UNC45A: variants seen among roughly 807,000 people sequenced by gnomAD.
The protein encoded by UNC45A is unc-45 myosin chaperone A.
UNC45A carries 78 observed loss-of-function variants against 103.2 expected under a neutral mutation model. The ratio of observed to expected loss-of-function variants is 0.76; its 90% CI spans 0.63 to 0.91. The LOEUF (loss-of-function observed/expected upper bound fraction) is 0.91. Ranked by LOEUF, UNC45A falls within the 40% of genes least tolerant of loss-of-function variation. The pLI, the probability that UNC45A is intolerant of heterozygous loss-of-function variation, is 0.00. For missense variants in UNC45A, 1,193 were observed against 1,224.8 expected, an observed-to-expected ratio of 0.97 and a Z score of 0.39; for synonymous variants, 495 against 504.6, an observed-to-expected ratio of 0.98 and a Z score of 0.25.
chr15:90,949,981 G>T (rs1258007206), intron 15 of UNC45A, 173 bp from the exon 16 acceptor site: 2 of 693,430 alleles, frequency 2.9e-6, no homozygotes, highest in East Asian at 2.7e-5. Flanking sequence ...CACAATCCAT[G>T]TCCAGCCCTT....
chr15:90,940,428 G>C lies in UNC45A; in HGVS notation c.642G>C (p.Ala214=). 1 of 1,614,036 alleles carries C rather than the reference G, an allele frequency of 6.2e-7. No homozygotes were observed. The highest frequency in any genetic ancestry group is 8.5e-7 in the Non-Finnish European group (1 of 1,179,958). ...LDMGETDLML[A]ALRTLVGICS... ...TGGGAGAGACTGACCTCATGCTGGC[G>C]GCTCTGCGTACGCTGGTTGGCATTT... The change falls in exon 6 of 20, where the codon GCG becomes GCC. Residue 214 remains alanine (A), a synonymous_variant. Coordinates refer to ENST00000418476, the MANE Select transcript of UNC45A (RefSeq NM_018671.5).
At chr15:90,947,378 G>A (rs950402670) in intron 10 of UNC45A, 6 of 257,670 alleles carry the variant, frequency 2.3e-5, no homozygotes, top group Non-Finnish European at 4.6e-5. Context: ...TGTGGAAGCT[G>A]GTCTTCCTCC....
At position 90,950,271 on chromosome 15, in the gene UNC45A, C is replaced by T. The variant is rs1301394225; in HGVS notation, c.2187+4C>T. On this transcript the variant is annotated splice_donor_region_variant and intron_variant, in intron 16 of 19. Transcript: ENST00000418476. ...GATGACCTTCCCTGGCGAGCGGGTA[C>T]GTGTCTTCCTGCCCCGGCCTTTCCA... is the stretch of plus-strand genomic sequence containing the variant. 9.7e-6 allele frequency: 15 copies of T among 1,551,538 alleles called. No homozygotes were observed. The East Asian group carries it at 1.2e-4, about 13-fold the overall frequency.
upstream of UNC45A, chr15:90,931,208 T>C (rs1008841050): frequency 6.6e-7 from 1 of 1,519,342 alleles, no homozygotes; most frequent in Admixed American, 2.0e-5. Flanking sequence ...ACAGAAAAGA[T>C]GGCGTATGAA....
chr15:90,943,182 G>A lies in UNC45A; in HGVS notation c.1027+100G>A, dbSNP rs2036381695. On this transcript the variant is annotated intron_variant, in intron 8 of 19. Transcript: ENST00000418476. ...GTGAGTGGGGCCAGGCATGGTGGAT[G>A]ACACACTTTGAGAGGCAGGGGGTCA... 4.3e-6 allele frequency: 6 copies of A among 1,403,560 alleles called. No individual in the cohort carries two copies. The African/African-American group carries it at 7.2e-5, about 17-fold the overall frequency. 86.9% of individuals were successfully genotyped at this position (1,403,560 alleles called of 1,614,324 possible). A position where few individuals can be genotyped will look rare whatever the true frequency, so the allele number is the denominator to read the frequency against.
chr15:90,932,162 G>T, upstream of UNC45A: 1 of 1,540,838 alleles, frequency 6.5e-7, no homozygotes, highest in Middle Eastern at 1.8e-4. Context: ...TCCCAAGGCG[G>T]TGTGTTGTGG....
upstream of UNC45A, chr15:90,935,263 G>A (rs556780967): frequency 1.3e-6 from 2 of 1,518,564 alleles, no homozygotes; most frequent in South Asian, 1.2e-5. Flanking sequence ...GTGGCGTCCC[G>A]AACCCAGACT....
At chr15:90,931,531 C>A, upstream of UNC45A, 1 of 1,614,154 alleles carries the variant, frequency 6.2e-7, no homozygotes, top group Non-Finnish European at 8.5e-7. Context: ...TGAAAACTTC[C>A]CCTTGGCCCA....
intron 15 of UNC45A, 143 bp downstream of exon 15, chr15:90,949,863 G>A (rs1399108166): frequency 1.1e-6 from 1 of 931,404 alleles, no homozygotes; most frequent in Non-Finnish European, 1.7e-6. Context: ...CGCTGAGAGA[G>A]TGACGCGGAA....
chr15:90,945,030 A>T lies in UNC45A; in HGVS notation c.1166A>T (p.Glu389Val). The change falls in exon 9 of 20, where the codon GAG becomes GTG. Residue 389 changes from glutamate to valine, a missense_variant. Physicochemically the swap from Glu to Val is moderately radical, Grantham distance 121. Coordinates refer to ENST00000418476, the MANE Select transcript of UNC45A (RefSeq NM_018671.5). ...FDDLKCDAER[E>V]NFHRLCENYI... The stretch of plus-strand genomic sequence containing the variant: ...GACCTCAAGTGTGATGCGGAGAGGG[A>T]GAATTTCCACAGACTTTGTGAAAAC... The T allele has an allele frequency of 6.2e-7, 1 of 1,613,040 alleles. No individual in the cohort carries two copies. The highest frequency in any genetic ancestry group is 8.5e-7 in the Non-Finnish European group (1 of 1,180,006).
At position 90,948,689 on chromosome 15, in the gene UNC45A, A is replaced by T. The variant is rs1373522935; in HGVS notation, c.1773A>T (p.Ser591=). The change falls in exon 13 of 20, where the codon TCA becomes TCT. Residue 591 remains serine, a synonymous_variant. Coordinates refer to ENST00000418476, the MANE Select transcript of UNC45A (RefSeq NM_018671.5). ...EERSVLFAVA[S]ALVNCTNSYD... ...GGTCAGTGCTCTTTGCGGTGGCCTC[A>T]GCGCTGGTGAACTGCACCAACAGCT... 1 of 1,614,080 alleles carries T rather than the reference A, an allele frequency of 6.2e-7. No individual in the cohort carries two copies. The highest frequency in any genetic ancestry group is 2.2e-5 in the East Asian group (1 of 44,874).
At chr15:90,931,446 G>A, upstream of UNC45A, 1 of 1,612,656 alleles carries the variant, frequency 6.2e-7, no homozygotes, top group Non-Finnish European at 8.5e-7. Flanking sequence ...GTGATGTCAA[G>A]GAAAGCACTG....
At chr15:90,943,988 T>G (rs893120556) in intron 8 of UNC45A, among the ~76,000 whole-genome samples, 1 of 126,592 alleles carries the variant, frequency 7.9e-6, no homozygotes, top group African/African-American at 3.8e-5. Context: ...TGTGCCCTGT[T>G]TTTTTTTTTT....
At chr15:90,941,958 CAAAAAAAAAAA>C (rs369044240) in intron 6 of UNC45A, among the ~76,000 whole-genome samples, 1 of 68,788 alleles carries the variant, frequency 1.5e-5, no homozygotes, top group Non-Finnish European at 2.9e-5. Flanking sequence ...GACTCCGTCT[CAAAAAAAAAAA>C]AAAAAAAGAA....
intron 4 of UNC45A, among the ~76,000 whole-genome samples, chr15:90,939,199 T>C (rs1327690906): frequency 6.6e-6 from 1 of 152,210 alleles, no homozygotes; most frequent in African/African-American, 2.4e-5. Flanking sequence ...CAGGCTAGTC[T>C]TGAACTCCTG....
At chr15:90,948,115 G>A in intron 11 of UNC45A, 27 bp from the exon 12 acceptor site, 1 of 1,612,954 alleles carries the variant, frequency 6.2e-7, no homozygotes, top group Non-Finnish European at 8.5e-7. Flanking sequence ...AATCCTGAGG[G>A]TCGTCCACTA....
intron 17 of UNC45A, 51 bp downstream of exon 17, chr15:90,950,666 T>C: frequency 6.4e-7 from 1 of 1,564,804 alleles, no homozygotes; most frequent in South Asian, 1.1e-5. Context: ...GGATTCGGAA[T>C]ATCCCCCACA....
chr15:90,935,536 C>T lies in UNC45A; in HGVS notation c.52-8C>T, dbSNP rs1163290386. The stretch of plus-strand genomic sequence containing the variant: ...CCTCCGACGTTTCCGCCCCCTTTCT[C>T]TCTACAGGCCAGCTCAGTGGAGCAG... On this transcript the variant is annotated splice_polypyrimidine_tract_variant and splice_region_variant and intron_variant, in intron 1 of 19. Coordinates refer to ENST00000418476, the MANE Select transcript of UNC45A (RefSeq NM_018671.5). 4 of 1,586,378 alleles carry T rather than the reference C, an allele frequency of 2.5e-6. No individual in the cohort carries two copies. The highest frequency in any genetic ancestry group is 1.7e-4 in the Middle Eastern group (1 of 5,962).
At position 90,953,743 on chromosome 15, in the gene UNC45A, A is replaced by C. The variant is rs1320386169; in HGVS notation, c.*27A>C. 30 of 1,607,234 alleles carry C rather than the reference A, an allele frequency of 1.9e-5. No individual in the cohort carries two copies. Among genetic ancestry groups the C allele is most frequent in the Non-Finnish European group, 2.6e-5 (30 of 1,176,036 alleles). On this transcript the variant is annotated 3_prime_UTR_variant, in exon 20 of 20. Transcript: ENST00000418476. ...GGGGTTGTCCCTGGGCCCAAGGCTC[A>C]TGCACACGCTACCTATTGTGGCACG...
Sources: allele counts gnomAD v4.1 joint callset (sites outside exome capture counted in the v4.1 genomes callset), GRCh38; gene constraint gnomAD v4.1.1; transcripts MANE v1.5; gene names NCBI Gene and HGNC (gene_info 2026-07-23, HGNC 2026-07-21).